Variants in DYNC2I1 observed in about 807,000 individuals in gnomAD.
DYNC2I1 encodes the protein dynein 2 intermediate chain 1.
Under a neutral mutation model 133.4 loss-of-function variants are expected in DYNC2I1, and 89 were observed. That is an observed-to-expected ratio of 0.67 (90% CI 0.56 to 0.80). DYNC2I1 has a LOEUF of 0.80. DYNC2I1 is among the 30% of genes least tolerant of loss of function. The probability of loss-of-function intolerance (pLI) is 0.00; values close to 1 mark genes in which losing one functional copy is unlikely to be tolerated. For missense variants in DYNC2I1, 1,291 were observed against 1,314.5 expected (o/e 0.98, Z 0.28); for synonymous variants, 504 against 484.3 (o/e 1.04, Z -0.54).
intron 5 of DYNC2I1, among the ~76,000 whole-genome samples, chr7:158,880,295 G>A (rs1380846453): frequency 6.6e-6 from 1 of 152,154 alleles, no homozygotes; most frequent in Non-Finnish European, 1.5e-5. Context: ...CCAGCACTTT[G>A]GGAGGCCGAG....
At chr7:158,852,087 G>A (rs1052142474), upstream of DYNC2I1, among the ~76,000 whole-genome samples, 1 of 152,012 alleles carries the variant, frequency 6.6e-6, no homozygotes. Context: ...TCTAGGGCCA[G>A]GGACCATAGC....
intron 4 of DYNC2I1, among the ~76,000 whole-genome samples, chr7:158,953,859 C>G (rs1330761897): frequency 1.3e-5 from 2 of 151,570 alleles, no homozygotes; most frequent in Non-Finnish European, 2.9e-5. Context: ...ATATATATGC[C>G]TAAAAATTAG....
Position 158,858,739 on chromosome 7 carries a change from C to G in DYNC2I1, c.15+1989C>G, listed in dbSNP as rs118121439. On this transcript the variant is annotated intron_variant, in intron 1 of 24. Transcript: ENST00000407559. The stretch of plus-strand genomic sequence containing the variant: ...TCATTGTGCTTCTGGGTTAGGCCTA[C>G]TGTTTCTTGGATCAAGTGTCTCCCT... Among the ~76,000 whole-genome samples the G allele has an allele frequency of 3.8e-3, 582 of 152,014 alleles. 15 individuals are homozygous for G. The East Asian group carries it at 0.041, about 11-fold the overall frequency.
intron 20 of DYNC2I1, among the ~76,000 whole-genome samples, chr7:158,929,354 G>A (rs942761419): frequency 1.3e-5 from 2 of 152,266 alleles, no homozygotes; most frequent in Non-Finnish European, 2.9e-5. Context: ...GCGAGTGGTG[G>A]TGGACTTACT....
intron 1 of DYNC2I1, among the ~76,000 whole-genome samples, chr7:158,862,177 G>A (rs1205203041): frequency 6.6e-6 from 1 of 152,088 alleles, no homozygotes; most frequent in Non-Finnish European, 1.5e-5. Flanking sequence ...TGTTGGTGTC[G>A]TCAACCTAAA....
intron 15 of DYNC2I1, among the ~76,000 whole-genome samples, chr7:158,920,591 G>A (rs1848968455): frequency 6.6e-6 from 1 of 152,154 alleles, no homozygotes; most frequent in Admixed American, 6.5e-5. Context: ...AACACGTGAA[G>A]TGCATGTGTG....
At chr7:158,941,439 G>A (rs1851351471) in intron 23 of DYNC2I1, among the ~76,000 whole-genome samples, 1 of 152,176 alleles carries the variant, frequency 6.6e-6, no homozygotes, top group South Asian at 2.1e-4. Context: ...TCAGAGTCAG[G>A]TGAGTGCTCA....
chr7:158,937,803 G>A (rs1478187054), intron 23 of DYNC2I1, among the ~76,000 whole-genome samples: 1 of 151,834 alleles, frequency 6.6e-6, no homozygotes, highest in African/African-American at 2.4e-5. Context: ...TGGAGGCTGA[G>A]GCAGTAGGAT....
chr7:158,873,945 A>G (rs1166013321), intron 3 of DYNC2I1, among the ~76,000 whole-genome samples: 1 of 151,998 alleles, frequency 6.6e-6, no homozygotes. Context: ...TTTAGCAGCG[A>G]CGGGGGTTTC....
intron 8 of DYNC2I1, among the ~76,000 whole-genome samples, chr7:158,897,006 C>CA (rs1239822855): frequency 7.3e-6 from 1 of 137,242 alleles, no homozygotes; most frequent in Non-Finnish European, 1.5e-5. Flanking sequence ...TTTTTTGAGA[C>CA]AGAGTCTCTC....
At chr7:158,867,701 G>A (rs1021320671) in intron 1 of DYNC2I1, among the ~76,000 whole-genome samples, 1 of 152,112 alleles carries the variant, frequency 6.6e-6, no homozygotes, top group Admixed American at 6.5e-5. Flanking sequence ...GTTGCGTTGG[G>A]CTGAGGGGCC....
chr7:158,848,877 T>C, the DYNC2I1 span, among the ~76,000 whole-genome samples: 40,889 of 151,064 alleles, frequency 0.27, 8,078 homozygotes, highest in East Asian at 0.69. Context: ...AAGCTGAGAT[T>C]GCGCCACTGC....
the DYNC2I1 span, among the ~76,000 whole-genome samples, chr7:158,840,112 G>C: frequency 6.6e-6 from 1 of 152,138 alleles, no homozygotes. Context: ...ACTTCACCCA[G>C]AGGTGGTTGA....
upstream of DYNC2I1, among the ~76,000 whole-genome samples, chr7:158,854,916 T>G (rs553551635): frequency 6.6e-6 from 1 of 152,180 alleles, no homozygotes; most frequent in Non-Finnish European, 1.5e-5. Context: ...GGCAAAACAT[T>G]TACACCTGGG....
At chr7:158,947,239 C>T (rs1851915991), downstream of DYNC2I1, among the ~76,000 whole-genome samples, 1 of 152,158 alleles carries the variant, frequency 6.6e-6, no homozygotes, top group South Asian at 2.1e-4. Flanking sequence ...TCGCGGAACC[C>T]AGGTTCACAG....
chr7:158,922,599 A>G (rs1849213398), intron 16 of DYNC2I1, 50 bp downstream of exon 16: 1 of 1,572,462 alleles, frequency 6.4e-7, no homozygotes, highest in Non-Finnish European at 8.7e-7. Flanking sequence ...TGGGCAGTGG[A>G]CAGAGCGTGA....
intron 1 of DYNC2I1, among the ~76,000 whole-genome samples, chr7:158,869,016 A>T (rs1295005313): frequency 6.6e-6 from 1 of 152,152 alleles, no homozygotes; most frequent in African/African-American, 2.4e-5. Flanking sequence ...ATTTTCTCAC[A>T]TACTCTGTGG....
chr7:158,914,844 A>G lies in DYNC2I1; in HGVS notation c.1791+523A>G, dbSNP rs567707897. On this transcript the variant is annotated intron_variant, in intron 14 of 24. Coordinates refer to ENST00000407559, the MANE Select transcript of DYNC2I1 (RefSeq NM_018051.5). ...ATCAGTTATTTTGAAACAAATCCCA[A>G]TCATCTAACTTTGCCTCCAAATACA... is the stretch of plus-strand genomic sequence containing the variant. Among the ~76,000 whole-genome samples, 4 of 152,340 alleles carry G rather than the reference A, an allele frequency of 2.6e-5. No homozygotes were observed. The South Asian group carries it at 6.2e-4, about 24-fold the overall frequency.
intron 11 of DYNC2I1, among the ~76,000 whole-genome samples, chr7:158,907,980 C>G (rs1312208132): frequency 6.6e-6 from 1 of 151,694 alleles, no homozygotes; most frequent in Non-Finnish European, 1.5e-5. Context: ...ATATAATGTA[C>G]AAGTAGATTA....
Sources: gnomAD v4.1 joint callset for allele counts (sites outside exome capture counted in the v4.1 genomes callset) on GRCh38, gnomAD v4.1.1 for gene constraint, MANE v1.5 for transcripts, NCBI Gene and HGNC (gene_info 2026-07-23, HGNC 2026-07-21) for gene names.